The following KLF12 variants were observed in gnomAD, a reference collection of about 807,000 sequenced individuals.
KLF12 encodes Krueppel-like factor 12.
Under a neutral mutation model 37.8 loss-of-function variants are expected in KLF12, and 9 were observed. The ratio of observed to expected loss-of-function variants is 0.24; its 90% CI spans 0.14 to 0.42. KLF12 has a LOEUF of 0.42. Ranked by LOEUF, KLF12 falls within the 10% of genes least tolerant of loss-of-function variation. The pLI is 1.00. For synonymous variants in KLF12, 208 were observed against 202.1 expected, an observed-to-expected ratio of 1.03 and a Z score of -0.25; for missense variants, 411 against 516.0, an observed-to-expected ratio of 0.80 and a Z score of 1.97.
At chr13:73,918,754 G>C (rs933852922) in intron 3 of KLF12, among the ~76,000 whole-genome samples, 4 of 152,138 alleles carry the variant, frequency 2.6e-5, no homozygotes, top group Non-Finnish European at 5.9e-5. Context: ...GCTAGACACT[G>C]GATTTCTCCT....
the KLF12 span, among the ~76,000 whole-genome samples, chr13:74,268,538 A>G: frequency 1.3e-5 from 2 of 152,330 alleles, no homozygotes; most frequent in East Asian, 3.9e-4. Flanking sequence ...ATCCCAAAGC[A>G]GCTCACTTAC....
At chr13:73,842,764 T>A (rs1432521233) in intron 4 of KLF12, among the ~76,000 whole-genome samples, 1 of 152,172 alleles carries the variant, frequency 6.6e-6, no homozygotes, top group Non-Finnish European at 1.5e-5. Context: ...GAAATACACA[T>A]CCGAAGTAGG....
chr13:74,291,523 G>C, the KLF12 span, among the ~76,000 whole-genome samples: 2,442 of 152,294 alleles, frequency 0.016, 24 homozygotes, highest in Admixed American at 0.028. Context: ...TTCATTGTCA[G>C]TTGGCGAAGC....
intron 6 of KLF12, among the ~76,000 whole-genome samples, chr13:73,734,898 T>A (rs1185823022): frequency 1.3e-5 from 2 of 152,062 alleles, no homozygotes; most frequent in Non-Finnish European, 2.9e-5. Context: ...ACTGTCTGAC[T>A]CCAAAGGTTA....
At chr13:73,926,144 A>C (rs2139249993) in intron 3 of KLF12, among the ~76,000 whole-genome samples, 1 of 152,358 alleles carries the variant, frequency 6.6e-6, no homozygotes, top group Admixed American at 6.5e-5. Flanking sequence ...TCATGAAAGC[A>C]GTTCCACCGT....
At position 73,813,070 on chromosome 13, in the gene KLF12, G is replaced by T. The variant is rs528509757; in HGVS notation, c.806+82C>A. On this transcript the variant is annotated intron_variant, in intron 5 of 7. Transcript: ENST00000377669. ...AGTTCACAGCTAGAATGACATGGCT[G>T]GGGGACAGGAGATGCTGCAGTTTCC... 19 of 1,447,328 alleles carry T rather than the reference G, an allele frequency of 1.3e-5. No homozygotes were observed. The African/African-American group carries it at 2.5e-4, about 19-fold the overall frequency. 89.7% of individuals were successfully genotyped at this position (1,447,328 alleles called of 1,614,324 possible).
At chr13:74,012,729 G>A (rs1892582106) in intron 1 of KLF12, among the ~76,000 whole-genome samples, 1 of 152,118 alleles carries the variant, frequency 6.6e-6, no homozygotes. Flanking sequence ...TTTCATAACA[G>A]GTAAAAGTGC....
upstream of KLF12, among the ~76,000 whole-genome samples, chr13:74,138,492 C>G (rs548886570): frequency 2.0e-5 from 3 of 152,264 alleles, no homozygotes; most frequent in South Asian, 6.2e-4. Flanking sequence ...CTGCAAACAG[C>G]TGGTGATATT....
chr13:74,077,443 T>G (rs1045091579), intron 1 of KLF12, among the ~76,000 whole-genome samples: 6 of 152,130 alleles, frequency 3.9e-5, no homozygotes, highest in African/African-American at 1.4e-4. Context: ...ACTATAAAAG[T>G]TAACATTAAA....
At chr13:73,955,766 T>G (rs1357887617) in intron 2 of KLF12, among the ~76,000 whole-genome samples, 3 of 152,222 alleles carry the variant, frequency 2.0e-5, no homozygotes, top group Non-Finnish European at 1.5e-5. Context: ...ATTTGAGCCC[T>G]GGAAAACTTT....
intron 3 of KLF12, among the ~76,000 whole-genome samples, chr13:73,901,384 G>A (rs1382362942): frequency 1.3e-5 from 2 of 152,178 alleles, no homozygotes; most frequent in African/African-American, 4.8e-5. Flanking sequence ...ACAGATGTCT[G>A]GAGGGGCCTT....
chr13:74,124,917 G>A (rs899239749), intron 1 of KLF12, among the ~76,000 whole-genome samples: 8 of 152,030 alleles, frequency 5.3e-5, no homozygotes, highest in African/African-American at 1.9e-4. Context: ...GCAGCAAGGC[G>A]GGTGGATCAC....
At chr13:73,960,373 C>T (rs1890984694) in intron 2 of KLF12, 1 of 293,372 alleles carries the variant, frequency 3.4e-6, no homozygotes, top group Non-Finnish European at 7.8e-6. Flanking sequence ...TTTTCACTTG[C>T]TTTGACATGT....
At chr13:74,233,538 T>C in the KLF12 span, among the ~76,000 whole-genome samples, 5 of 152,232 alleles carry the variant, frequency 3.3e-5, no homozygotes, top group African/African-American at 1.2e-4. Context: ...TAAATACAAT[T>C]TCTTTGTTTC....
At chr13:74,077,710 G>A (rs1874646201) in intron 1 of KLF12, among the ~76,000 whole-genome samples, 1 of 152,110 alleles carries the variant, frequency 6.6e-6, no homozygotes, top group African/African-American at 2.4e-5. Context: ...AAATTGTTTG[G>A]TGGCTTTAAA....
rs370628088 is a variant in KLF12 at position 73,696,090 on chromosome 13, A to C, written c.1028-419T>G. On this transcript the variant is annotated intron_variant, in intron 7 of 7. Transcript: ENST00000377669. The stretch of plus-strand genomic sequence containing the variant: ...ACACCCCCCCACGCTTCCCCCTACC[A>C]ACTGTGCATCACTTAGATGGCTTAA... 1.8e-4 allele frequency among the ~76,000 whole-genome samples: 24 copies of C among 136,214 alleles called. 4 individuals are homozygous for C. Among genetic ancestry groups the C allele is most frequent in the Admixed American group, 5.8e-4 (8 of 13,760 alleles). 89.4% of individuals were successfully genotyped at this position (136,214 alleles called of 152,430 possible). A position where few individuals can be genotyped will look rare whatever the true frequency, so the allele number is the denominator to read the frequency against.
intron 6 of KLF12, among the ~76,000 whole-genome samples, chr13:73,728,707 T>G (rs1876845706): frequency 6.6e-6 from 1 of 152,216 alleles, no homozygotes; most frequent in African/African-American, 2.4e-5. Context: ...ATGTGGTGTA[T>G]TACATTGATT....
intron 6 of KLF12, among the ~76,000 whole-genome samples, chr13:73,722,476 G>C (rs7998927): frequency 0.63 from 96,400 of 152,016 alleles, 31,017 homozygotes; most frequent in East Asian, 0.73. Flanking sequence ...GGAAAAAGCA[G>C]TGTTTAGATA....
At chr13:73,886,507 T>C (rs988986870) in intron 3 of KLF12, among the ~76,000 whole-genome samples, 4 of 152,020 alleles carry the variant, frequency 2.6e-5, no homozygotes, top group Admixed American at 1.3e-4. Flanking sequence ...TCAGGAAGAA[T>C]AGCTAGTGGA....
Sources: allele counts gnomAD v4.1 joint callset (sites outside exome capture counted in the v4.1 genomes callset), GRCh38; gene constraint gnomAD v4.1.1; transcripts MANE v1.5; gene names NCBI Gene and HGNC (gene_info 2026-07-23, HGNC 2026-07-21).